KATNA1: variants seen among roughly 807,000 people sequenced by gnomAD.
KATNA1 encodes the protein katanin p60 ATPase-containing subunit A1.
Under a neutral mutation model 62.6 loss-of-function variants are expected in KATNA1, and 42 were observed. That is an observed-to-expected ratio of 0.67 (90% CI 0.52 to 0.87). The LOEUF is 0.87. Among genes scored for constraint, KATNA1 ranks in the 40% least tolerant of loss-of-function variants. KATNA1 has a pLI of 0.00. For synonymous variants in KATNA1, 186 were observed against 201.9 expected, an observed-to-expected ratio of 0.92 and a Z score of 0.67; for missense variants, 498 against 612.5, an observed-to-expected ratio of 0.81 and a Z score of 1.97.
Position 149,622,133 on chromosome 6 carries a change from T to G in KATNA1, c.501+970A>C, listed in dbSNP as rs1483707269. 2.8e-3 allele frequency among the ~76,000 whole-genome samples: 104 copies of G among 36,574 alleles called. No individual in the cohort carries two copies. In the African/African-American group the frequency reaches 0.075, roughly 26 times the overall value. 24.0% of individuals were successfully genotyped at this position (36,574 alleles called of 152,430 possible). A position where few individuals can be genotyped will look rare whatever the true frequency, so the allele number is the denominator to read the frequency against. The stretch of plus-strand genomic sequence containing the variant: ...GCTTTTGATAACTGTGTTTTTTTTG[T>G]TTTTTTTTTTTTTCCTCAAGACGGA... On this transcript the variant is annotated intron_variant, in intron 4 of 10. Coordinates refer to ENST00000367411, the MANE Select transcript of KATNA1 (RefSeq NM_007044.4).
Position 149,597,680 on chromosome 6 carries a change from G to C in KATNA1, c.1016-39C>G, listed in dbSNP as rs752271800. 9 of 1,586,232 alleles carry C rather than the reference G, an allele frequency of 5.7e-6. No individual in the cohort carries two copies. In the East Asian group the frequency reaches 1.1e-4, roughly 20 times the overall value. On this transcript the variant is annotated intron_variant, in intron 8 of 10. Coordinates refer to ENST00000367411, the MANE Select transcript of KATNA1 (RefSeq NM_007044.4). The stretch of plus-strand genomic sequence containing the variant: ...AAGGGGAGAGTGAAAAAGATATTAA[G>C]TTGGATTATACCAAATGAAGCTCAG...
At chr6:149,636,939 G>A (rs534645562) in intron 2 of KATNA1, among the ~76,000 whole-genome samples, 43 of 150,958 alleles carry the variant, frequency 2.8e-4, no homozygotes, top group Non-Finnish European at 5.8e-4. Flanking sequence ...ACCATGCCCC[G>A]CAAGACTTAT....
At chr6:149,606,282 G>C (rs912707131) in intron 4 of KATNA1, among the ~76,000 whole-genome samples, 37 of 152,126 alleles carry the variant, frequency 2.4e-4, no homozygotes, top group African/African-American at 8.7e-4. Context: ...ATAAGTGGAT[G>C]GGTATCCTGG....
rs1369975675 is a variant in KATNA1, at chr6:149,634,955, T to C, written c.163-2039A>G. Among the ~76,000 whole-genome samples, 8 of 148,080 alleles carry C rather than the reference T, an allele frequency of 5.4e-5. No homozygotes were observed. In the South Asian group the frequency reaches 8.5e-4, roughly 16 times the overall value. On this transcript the variant is annotated intron_variant, in intron 2 of 10. Coordinates refer to ENST00000367411, the MANE Select transcript of KATNA1 (RefSeq NM_007044.4). ...TTAAAAGCAGTCTTTTTTTTTTTTTTCAAATATTTTTTAGAGACAGGGTCT... is the reference window on the plus strand; with the variant it reads ...TTAAAAGCAGTCTTTTTTTTTTTTTCCAAATATTTTTTAGAGACAGGGTCT...
At chr6:149,611,685 T>C (rs796519749) in intron 4 of KATNA1, among the ~76,000 whole-genome samples, 108 of 152,196 alleles carry the variant, frequency 7.1e-4, no homozygotes, top group African/African-American at 2.5e-3. Flanking sequence ...GCTATCATTA[T>C]AGACCTGCAA....
At chr6:149,646,530 T>C (rs1780493610) in intron 1 of KATNA1, among the ~76,000 whole-genome samples, 1 of 152,242 alleles carries the variant, frequency 6.6e-6, no homozygotes, top group Non-Finnish European at 1.5e-5. Context: ...CAGCCACTGA[T>C]GATTACGAAT....
intron 2 of KATNA1, among the ~76,000 whole-genome samples, chr6:149,634,301 A>AAAATAAAATAAAATAAAATG (rs1779984794): frequency 6.7e-6 from 1 of 150,082 alleles, no homozygotes; most frequent in African/African-American, 2.5e-5. Context: ...AAAATAAAAT[A>AAAATAAAATAAAATAAAATG]AAATAAAATA....
At position 149,645,300 on chromosome 6, in the gene KATNA1, G is replaced by A. The variant is rs558543777; in HGVS notation, c.-14+3169C>T. Among the ~76,000 whole-genome samples, 39 of 152,062 alleles carry A rather than the reference G, an allele frequency of 2.6e-4. 1 individual carries two copies. The South Asian group carries it at 4.8e-3, about 19-fold the overall frequency. Reference sequence around the variant, plus strand: ...CTACTAAAAATACAAAAAATTAGCCGGGCGTGGTGGCCAGCGCCTGTAGTC... The same window carrying A: ...CTACTAAAAATACAAAAAATTAGCCAGGCGTGGTGGCCAGCGCCTGTAGTC... On this transcript the variant is annotated intron_variant, in intron 1 of 10. Coordinates refer to ENST00000367411, the MANE Select transcript of KATNA1 (RefSeq NM_007044.4).
intron 1 of KATNA1, among the ~76,000 whole-genome samples, chr6:149,646,860 A>G (rs1011629336): frequency 1.3e-5 from 2 of 152,230 alleles, no homozygotes; most frequent in Admixed American, 1.3e-4. Context: ...TATTTATGTG[A>G]TAATACTATC....
In KATNA1 at chr6:149,645,398, G is replaced by A. The variant is rs189264251; in HGVS notation, c.-14+3071C>T. On this transcript the variant is annotated intron_variant, in intron 1 of 10. Transcript: ENST00000367411. ...CAGAGCGTGCAAGTGAGCCAAGCTCGCGCCACTGCACTCCAGCCTGGGCGA... is the reference window on the plus strand; with the variant it reads ...CAGAGCGTGCAAGTGAGCCAAGCTCACGCCACTGCACTCCAGCCTGGGCGA... Among the ~76,000 whole-genome samples, 305 of 150,468 alleles carry A rather than the reference G, an allele frequency of 2.0e-3. 4 individuals are homozygous for A. The highest frequency in any genetic ancestry group is 8.3e-4 in the Non-Finnish European group (56 of 67,826).
At chr6:149,648,137 G>A (rs574066597) in intron 1 of KATNA1, among the ~76,000 whole-genome samples, 1 of 152,256 alleles carries the variant, frequency 6.6e-6, no homozygotes, top group South Asian at 2.1e-4. Context: ...GGGTTTCGGG[G>A]TGGGGGGCGT....
chr6:149,597,841 A>G (rs904838627), intron 8 of KATNA1, among the ~76,000 whole-genome samples, 200 bp from the exon 9 acceptor site: 10 of 152,246 alleles, frequency 6.6e-5, no homozygotes, highest in Non-Finnish European at 1.2e-4. Flanking sequence ...ATGCAAATAT[A>G]TGACTCAAAA....
intron 4 of KATNA1, among the ~76,000 whole-genome samples, chr6:149,618,753 T>C (rs879920155): frequency 3.3e-5 from 5 of 152,278 alleles, no homozygotes; most frequent in Middle Eastern, 6.8e-3. Context: ...TAATAAGTGG[T>C]GCTGAGAAAA....
intron 3 of KATNA1, among the ~76,000 whole-genome samples, chr6:149,626,901 T>G (rs1779634207): frequency 6.6e-6 from 1 of 151,662 alleles, no homozygotes; most frequent in Admixed American, 6.6e-5. Context: ...GAAGAATCGC[T>G]TGAACCCGGG....
chr6:149,606,512 A>G (rs1246230156), intron 4 of KATNA1, among the ~76,000 whole-genome samples: 1 of 152,046 alleles, frequency 6.6e-6, no homozygotes, highest in Non-Finnish European at 1.5e-5. Context: ...AATATTTATG[A>G]TATTCAAAAT....
intron 2 of KATNA1, among the ~76,000 whole-genome samples, chr6:149,637,835 C>A (rs112750395): frequency 0.053 from 8,084 of 152,034 alleles, 565 homozygotes; most frequent in African/African-American, 0.16. Context: ...ACAAAAAAAA[C>A]CCCTCTTATT....
intron 4 of KATNA1, among the ~76,000 whole-genome samples, chr6:149,618,193 AT>A (rs1779254057): frequency 6.7e-6 from 1 of 149,408 alleles, no homozygotes; most frequent in Non-Finnish European, 1.5e-5. Context: ...AAGAAAAAAA[AT>A]TGGTTGGGCA....
At chr6:149,607,938 C>T (rs527707032) in intron 4 of KATNA1, among the ~76,000 whole-genome samples, 1 of 152,132 alleles carries the variant, frequency 6.6e-6, no homozygotes, top group Non-Finnish European at 1.5e-5. Flanking sequence ...TGATGGTTCA[C>T]ACCTGTAATC....
At chr6:149,638,773 G>C (rs1780171582) in intron 1 of KATNA1, among the ~76,000 whole-genome samples, 2 of 117,176 alleles carry the variant, frequency 1.7e-5, no homozygotes, top group African/African-American at 3.3e-5. Flanking sequence ...GTCTCGCTCT[G>C]TGGCCCCGGC....
Sources: allele counts gnomAD v4.1 joint callset (sites outside exome capture counted in the v4.1 genomes callset), GRCh38; gene constraint gnomAD v4.1.1; transcripts MANE v1.5; gene names NCBI Gene and HGNC (gene_info 2026-07-23, HGNC 2026-07-21).